Variants in FSIP2 observed in about 807,000 individuals in gnomAD.
FSIP2 encodes the protein fibrous sheath-interacting protein 2.
In FSIP2, 367 loss-of-function variants were observed where a neutral mutation model predicts 510.5. The observed-to-expected ratio is 0.72, with a 90% CI of 0.66 to 0.78. FSIP2 has a LOEUF of 0.78. FSIP2 is among the 30% of genes least tolerant of loss of function. The pLI is 0.00. For synonymous variants in FSIP2, 2,601 were observed against 2,732.2 expected, an observed-to-expected ratio of 0.95 and a Z score of 1.50; for missense variants, 7,594 against 7,901.7, an observed-to-expected ratio of 0.96 and a Z score of 1.48.
rs1693498567 is a variant in FSIP2 at position 185,803,813 on chromosome 2, T to A, written c.14507T>A (p.Ile4836Lys). The A allele has an allele frequency of 1.3e-6, 2 of 1,510,120 alleles. No individual in the cohort carries two copies. Among genetic ancestry groups the A allele is most frequent in the African/African-American group, 2.8e-5 (2 of 71,682 alleles). 93.5% of individuals were successfully genotyped at this position (1,510,120 alleles called of 1,614,324 possible). ...VIKLINEIMS[I>K]ISKHEICIIK... ...AAACTGATAAATGAAATTATGTCAA[T>A]AATTTCAAAACATGAAATATGTATT... is the stretch of plus-strand genomic sequence containing the variant. Residue 4836 changes from isoleucine (I) to lysine (K), a missense_variant, in exon 17 of 23, where the codon ATA (isoleucine) becomes AAA (lysine). Ile to Lys is a moderately radical substitution (Grantham distance 102). Coordinates refer to ENST00000424728, the MANE Select transcript of FSIP2 (RefSeq NM_173651.4).
chr2:185,814,601 A>G (rs1043341413), intron 18 of FSIP2, among the ~76,000 whole-genome samples: 4 of 152,076 alleles, frequency 2.6e-5, no homozygotes, highest in African/African-American at 9.7e-5. Context: ...TCAGCATGGT[A>G]AACATCTCTT....
upstream of FSIP2, chr2:185,738,788 T>C: frequency 6.5e-7 from 1 of 1,535,848 alleles, no homozygotes; most frequent in African/African-American, 1.4e-5. Flanking sequence ...GGGGCTGAGG[T>C]CGTTGGGCTC....
rs913378730 is a variant in FSIP2, at chr2:185,805,969, T to C, written c.16663T>C (p.Leu5555=). 1 of 1,566,510 alleles carries C rather than the reference T, an allele frequency of 6.4e-7. No individual in the cohort carries two copies. The highest frequency in any genetic ancestry group is 1.4e-5 in the African/African-American group (1 of 72,272). The change falls in exon 17 of 23, where the codon TTG becomes CTG. Residue 5555 remains leucine, a synonymous_variant. Coordinates refer to ENST00000424728, the MANE Select transcript of FSIP2 (RefSeq NM_173651.4). Reference sequence around the variant, plus strand: ...AAGTAAAGATACTCAGGAGCCAAATTTGAGTGAAACATTTAATAATAATGA... The same window carrying C: ...AAGTAAAGATACTCAGGAGCCAAATCTGAGTGAAACATTTAATAATAATGA... ...VKSKDTQEPN[L]SETFNNNEIE...
intron 13 of FSIP2, chr2:185,766,291 G>A (rs1183696354): frequency 6.6e-6 from 1 of 151,042 alleles, no homozygotes; most frequent in Middle Eastern, 3.2e-3. Flanking sequence ...CAAAAGCAAT[G>A]GCAACAAAAG....
At chr2:185,797,810 T>C in intron 16 of FSIP2, 2 of 273,834 alleles carry the variant, frequency 7.3e-6, no homozygotes, top group South Asian at 5.4e-5. Context: ...CATCTCAGCC[T>C]TCCCCCAAAA....
chr2:185,813,547 C>A lies in FSIP2; in HGVS notation c.19830C>A (p.Ala6610=). 1 of 1,513,022 alleles carries A rather than the reference C, an allele frequency of 6.6e-7. No homozygotes were observed. Among genetic ancestry groups the A allele is most frequent in the Non-Finnish European group, 8.8e-7 (1 of 1,131,882 alleles). 93.7% of individuals were successfully genotyped at this position (1,513,022 alleles called of 1,614,324 possible). A position where few individuals can be genotyped will look rare whatever the true frequency, so the allele number is the denominator to read the frequency against. Residue 6610 remains alanine (A), a splice_region_variant and synonymous_variant, in exon 18 of 23, where the codon GCC becomes GCA. Transcript: ENST00000424728. The part of the protein sequence containing the change: ...TGRLDVKPLE[A]VARNSFQNIR... ...ATTTGCTATACCTTTAATTTCAGGC[C>A]GTTGCTAGAAATTCATTTCAGAATA...
intron 13 of FSIP2, among the ~76,000 whole-genome samples, chr2:185,777,226 A>G (rs1447148590): frequency 1.3e-5 from 2 of 152,174 alleles, no homozygotes; most frequent in African/African-American, 4.8e-5. Context: ...GAGGGAGGTT[A>G]GGGGTAGAGA....
intron 20 of FSIP2, among the ~76,000 whole-genome samples, chr2:185,827,494 G>A (rs942963845): frequency 1.3e-5 from 2 of 151,806 alleles, no homozygotes; most frequent in Non-Finnish European, 2.9e-5. Flanking sequence ...GTAAATACAG[G>A]GTTTCTGCCT....
In FSIP2 at chr2:185,807,095, C is replaced by G. The variant is rs1369268685; in HGVS notation, c.17789C>G (p.Ser5930Cys). ...TGTAATATTTTAAATGACTATGGAT[C>G]TCAAGACTCTATTTGGAAGAATATA... ...SVCNILNDYG[S>C]QDSIWKNINS... The change falls in exon 17 of 23, where the codon TCT becomes TGT. Residue 5930 changes from serine (S) to cysteine (C), a missense_variant. Coordinates refer to ENST00000424728, the MANE Select transcript of FSIP2 (RefSeq NM_173651.4). 8 of 1,596,778 alleles carry G rather than the reference C, an allele frequency of 5.0e-6. No homozygotes were observed. Among genetic ancestry groups the G allele is most frequent in the Middle Eastern group, 1.7e-4 (1 of 5,918 alleles).
intron 19 of FSIP2, among the ~76,000 whole-genome samples, chr2:185,816,855 CAGAGAGAG>C (rs58545522): frequency 2.1e-5 from 3 of 140,192 alleles, no homozygotes; most frequent in Non-Finnish European, 4.6e-5. Flanking sequence ...AACTCTGAGA[CAGAGAGAG>C]AGAGAGAGAG....
At chr2:185,814,120 TA>T (rs1244911581) in intron 18 of FSIP2, 78 bp downstream of exon 18, 6 of 1,376,132 alleles carry the variant, frequency 4.4e-6, no homozygotes, top group Non-Finnish European at 6.0e-6. Context: ...GTACCTTGAT[TA>T]GTCAGAAAAG....
At chr2:185,752,951 A>G (rs1346177690) in intron 7 of FSIP2, among the ~76,000 whole-genome samples, 1 of 151,422 alleles carries the variant, frequency 6.6e-6, no homozygotes, top group African/African-American at 2.4e-5. Flanking sequence ...TTATTTGGAA[A>G]CAATTTGATT....
intron 7 of FSIP2, among the ~76,000 whole-genome samples, chr2:185,747,964 C>T (rs574817242): frequency 6.6e-6 from 1 of 152,050 alleles, no homozygotes; most frequent in South Asian, 2.1e-4. Context: ...GTTCTGTAGG[C>T]TGTTTTTTTC....
chr2:185,747,453 C>A, intron 7 of FSIP2, 30 bp downstream of exon 7: 2 of 1,233,428 alleles, frequency 1.6e-6, no homozygotes, highest in Non-Finnish European at 2.3e-6. Context: ...CTAACTTGAG[C>A]TGTTCGAAGA....
intron 13 of FSIP2, among the ~76,000 whole-genome samples, chr2:185,776,576 A>G (rs1264350542): frequency 6.6e-6 from 1 of 152,128 alleles, no homozygotes; most frequent in African/African-American, 2.4e-5. Flanking sequence ...ATTCATTTTT[A>G]ATTTATTTGA....
intron 2 of FSIP2, among the ~76,000 whole-genome samples, chr2:185,741,872 T>A (rs965332524): frequency 5.3e-5 from 8 of 152,084 alleles, no homozygotes; most frequent in Non-Finnish European, 1.0e-4. Flanking sequence ...CTTTCGAGAG[T>A]TCTTATTAGG....
rs769998882 is a variant in FSIP2 at position 185,741,998 on chromosome 2, AGTGTTGTT to A, written c.226-1131_226-1124del. Among the ~76,000 whole-genome samples the A allele has an allele frequency of 6.6e-5, 10 of 152,260 alleles. No homozygotes were observed. The South Asian group carries it at 1.5e-3, about 22-fold the overall frequency. On this transcript the variant is annotated intron_variant, in intron 2 of 22. Transcript: ENST00000424728. ...TCTAGACATGTCGGGATTGGTGCTT[AGTGTTGTT>A]GTGGTAGTATAAATTGAATTTCATG...
intron 19 of FSIP2, among the ~76,000 whole-genome samples, chr2:185,818,128 G>T (rs1451110732): frequency 1.3e-5 from 2 of 151,846 alleles, no homozygotes; most frequent in Admixed American, 6.6e-5. Context: ...CAAGTATTAT[G>T]TGCTCATAAA....
In FSIP2 at chr2:185,746,682, A is replaced by T. The variant is rs997432494; in HGVS notation, c.631A>T (p.Ile211Leu). 2 of 1,515,946 alleles carry T rather than the reference A, an allele frequency of 1.3e-6. No homozygotes were observed. Among genetic ancestry groups the T allele is most frequent in the Admixed American group, 2.2e-5 (1 of 46,384 alleles). 93.9% of individuals were successfully genotyped at this position (1,515,946 alleles called of 1,614,324 possible). Residue 211 changes from isoleucine (I) to leucine (L), a missense_variant, in exon 6 of 23, where the codon ATA becomes TTA. Physicochemically the swap from Ile to Leu is conservative, Grantham distance 5. Coordinates refer to ENST00000424728, the MANE Select transcript of FSIP2 (RefSeq NM_173651.4). Reference sequence around the variant, plus strand: ...ACTCTTACTCAGATATTTGGATATGATAAGTAGAAAACTAGAACAACTTGA... The same window carrying T: ...ACTCTTACTCAGATATTTGGATATGTTAAGTAGAAAACTAGAACAACTTGA... ...RLMRHRYLDM[I>L]SRKLEQLERT...
Sources: gnomAD v4.1 joint callset for allele counts (sites outside exome capture counted in the v4.1 genomes callset) on GRCh38, gnomAD v4.1.1 for gene constraint, MANE v1.5 for transcripts, NCBI Gene and HGNC (gene_info 2026-07-23, HGNC 2026-07-21) for gene names.